HIPK3: variants seen among roughly 807,000 people sequenced by gnomAD.
HIPK3 encodes homeodomain interacting protein kinase 3, also known as homeodomain-interacting protein kinase 3.
Under a neutral mutation model 124.2 loss-of-function variants are expected in HIPK3, and 47 were observed. The observed-to-expected ratio is 0.38, with a 90% CI of 0.30 to 0.48. The LOEUF is 0.48. Among genes scored for constraint, HIPK3 ranks in the 20% least tolerant of loss-of-function variants. HIPK3 has a pLI of 0.98. For synonymous variants in HIPK3, 482 were observed against 515.2 expected, an observed-to-expected ratio of 0.94 and a Z score of 0.87; for missense variants, 1,286 against 1,454.3, an observed-to-expected ratio of 0.88 and a Z score of 1.88.
intron 16 of HIPK3, among the ~76,000 whole-genome samples, chr11:33,352,889 A>G (rs1017324314): frequency 2.0e-5 from 3 of 152,146 alleles, no homozygotes; most frequent in African/African-American, 7.2e-5. Flanking sequence ...AATAATATGT[A>G]GTAATAAATA....
rs1358267311 is a variant in HIPK3, at chr11:33,356,845, A to G, written c.*3277A>G. ...GGAAAATTTTATGGATGTAATGTCTATTACGGTTTGCGATAGTATTTCTCT... is the reference window on the plus strand; with the variant it reads ...GGAAAATTTTATGGATGTAATGTCTGTTACGGTTTGCGATAGTATTTCTCT... On this transcript the variant is annotated 3_prime_UTR_variant, in exon 17 of 17. Coordinates refer to ENST00000303296, the MANE Select transcript of HIPK3 (RefSeq NM_005734.5). 3 of 152,114 alleles carry G rather than the reference A, an allele frequency of 2.0e-5. No individual in the cohort carries two copies. Among genetic ancestry groups the G allele is most frequent in the Admixed American group, 6.6e-5 (1 of 15,262 alleles). 9.4% of individuals were successfully genotyped at this position (152,114 alleles called of 1,614,324 possible).
intron 1 of HIPK3, chr11:33,258,579 C>G (rs1850737469): frequency 3.0e-6 from 3 of 985,300 alleles, no homozygotes; most frequent in Admixed American, 6.1e-5. Context: ...CGGCTTCTCT[C>G]GTTACGGTGG....
At chr11:33,316,097 G>T (rs1422669191) in intron 2 of HIPK3, among the ~76,000 whole-genome samples, 1 of 152,200 alleles carries the variant, frequency 6.6e-6, no homozygotes, top group Non-Finnish European at 1.5e-5. Context: ...CCAGTATTCT[G>T]TAGTGATGTT....
intron 2 of HIPK3, among the ~76,000 whole-genome samples, chr11:33,292,039 T>C (rs1851712130): frequency 6.6e-6 from 1 of 152,180 alleles, no homozygotes; most frequent in African/African-American, 2.4e-5. Context: ...TTAAGCTACA[T>C]AGGAAGACCC....
rs575581506 is a variant in HIPK3, at chr11:33,267,786, GT to G, written c.-3+9898del. 7.9e-5 allele frequency among the ~76,000 whole-genome samples: 12 copies of G among 152,214 alleles called. No individual in the cohort carries two copies. The South Asian group carries it at 2.5e-3, about 32-fold the overall frequency. On this transcript the variant is annotated intron_variant, in intron 1 of 16. Coordinates refer to ENST00000303296, the MANE Select transcript of HIPK3 (RefSeq NM_005734.5). Reference sequence around the variant, plus strand: ...GCTGGGATTACAGGCATGAGCCACCGTACCCGGCCGGAATATTATTTTTGTA... The same window carrying G: ...GCTGGGATTACAGGCATGAGCCACCGACCCGGCCGGAATATTATTTTTGTA...
intron 2 of HIPK3, among the ~76,000 whole-genome samples, chr11:33,305,441 A>G (rs867744853): frequency 2.6e-5 from 4 of 152,238 alleles, no homozygotes; most frequent in East Asian, 1.9e-4. Flanking sequence ...TGAAATAATG[A>G]TATTTACTGA....
At chr11:33,258,205 G>GGGGCCCC in intron 1 of HIPK3, 1 of 642,212 alleles carries the variant, frequency 1.6e-6, no homozygotes, top group Non-Finnish European at 1.9e-6. Flanking sequence ...GGGGGCCTCG[G>GGGGCCCC]CCCCCCCTCC....
chr11:33,316,786 G>A (rs1429131938), intron 2 of HIPK3, among the ~76,000 whole-genome samples: 1 of 152,016 alleles, frequency 6.6e-6, no homozygotes, highest in Non-Finnish European at 1.5e-5. Flanking sequence ...TTGCATCACT[G>A]CTCTCCAGCC....
intron 8 of HIPK3, among the ~76,000 whole-genome samples, chr11:33,345,138 TC>T (rs1461162826): frequency 6.6e-6 from 1 of 152,124 alleles, no homozygotes; most frequent in Non-Finnish European, 1.5e-5. Flanking sequence ...AAATACTATA[TC>T]CATAAGACTG....
At chr11:33,321,701 T>G (rs1359134928) in intron 2 of HIPK3, among the ~76,000 whole-genome samples, 1 of 152,156 alleles carries the variant, frequency 6.6e-6, no homozygotes, top group Non-Finnish European at 1.5e-5. Context: ...AGTAGGACAG[T>G]GAGTATGAAT....
At position 33,348,531 on chromosome 11, in the gene HIPK3, A is replaced by G. The variant is rs767203518; in HGVS notation, c.2379A>G (p.Ser793=). The G allele has an allele frequency of 1.9e-6, 3 of 1,608,022 alleles. No homozygotes were observed. Among genetic ancestry groups the G allele is most frequent in the Admixed American group, 1.7e-5 (1 of 59,930 alleles). ...ATTCCTTTGGTTGCAGGAGTAATTCATTACAGAATACCAATATCCCACATT... is the reference window on the plus strand; with the variant it reads ...ATTCCTTTGGTTGCAGGAGTAATTCGTTACAGAATACCAATATCCCACATT... ...EEINAFSWSN[S]LQNTNIPHSA... Residue 793 remains serine (S), a synonymous_variant, in exon 13 of 17, where the codon TCA becomes TCG. Transcript: ENST00000303296.
intron 2 of HIPK3, among the ~76,000 whole-genome samples, chr11:33,323,920 A>G (rs995901037): frequency 6.6e-6 from 1 of 152,230 alleles, no homozygotes; most frequent in Non-Finnish European, 1.5e-5. Context: ...TCTCCATTCA[A>G]CTGGCATGTT....
At chr11:33,274,800 A>G (rs907254456) in intron 1 of HIPK3, among the ~76,000 whole-genome samples, 1 of 152,144 alleles carries the variant, frequency 6.6e-6, no homozygotes, top group African/African-American at 2.4e-5. Context: ...GAAATGTCCA[A>G]CAGGTCATTT....
Position 33,315,729 on chromosome 11 carries a change from C to G in HIPK3, c.1098-12781C>G, listed in dbSNP as rs184364540. On this transcript the variant is annotated intron_variant, in intron 2 of 16. Coordinates refer to ENST00000303296, the MANE Select transcript of HIPK3 (RefSeq NM_005734.5). ...TAGAAATGCAAATTATTGCTGTATT[C>G]ATCTCTTTTGGTATTGGGCTGTGAA... Among the ~76,000 whole-genome samples, 1,426 of 152,270 alleles carry G rather than the reference C, an allele frequency of 9.4e-3. 6 individuals carry two copies. Among genetic ancestry groups the G allele is most frequent in the Non-Finnish European group, 0.014 (964 of 68,016 alleles).
chr11:33,300,670 C>T (rs1421842163), intron 2 of HIPK3, among the ~76,000 whole-genome samples: 1 of 152,134 alleles, frequency 6.6e-6, no homozygotes, highest in Non-Finnish European at 1.5e-5. Context: ...GGTCTGGAAC[C>T]AAACCTGCAA....
intron 2 of HIPK3, among the ~76,000 whole-genome samples, chr11:33,295,189 G>C (rs11032223): frequency 0.66 from 99,181 of 151,368 alleles, 32,746 homozygotes; most frequent in Non-Finnish European, 0.7. Flanking sequence ...GCCAGGACGA[G>C]ACGCTTTTAG....
chr11:33,259,513 G>T (rs1488989210), intron 1 of HIPK3, among the ~76,000 whole-genome samples: 1 of 152,030 alleles, frequency 6.6e-6, no homozygotes, highest in African/African-American at 2.4e-5. Context: ...TTATGCTTTC[G>T]TGCCACTTAT....
At chr11:33,270,493 G>C (rs1851095843) in intron 1 of HIPK3, among the ~76,000 whole-genome samples, 1 of 151,934 alleles carries the variant, frequency 6.6e-6, no homozygotes, top group South Asian at 2.1e-4. Flanking sequence ...GAGAATGTAT[G>C]AAAACTTACA....
intron 14 of HIPK3, among the ~76,000 whole-genome samples, chr11:33,350,367 A>G (rs960714894): frequency 6.6e-6 from 1 of 152,060 alleles, no homozygotes; most frequent in Non-Finnish European, 1.5e-5. Flanking sequence ...TTACTAACGC[A>G]TTGAGAGATA....
Sources: gnomAD v4.1 joint callset for allele counts (sites outside exome capture counted in the v4.1 genomes callset) on GRCh38, gnomAD v4.1.1 for gene constraint, MANE v1.5 for transcripts, NCBI Gene and HGNC (gene_info 2026-07-23, HGNC 2026-07-21) for gene names.